DNAH7: variants seen among roughly 807,000 people sequenced by gnomAD.
The protein encoded by DNAH7 is dynein axonemal heavy chain 7.
Under a neutral mutation model 444.6 loss-of-function variants are expected in DNAH7, and 397 were observed. The observed-to-expected ratio is 0.89, with a 90% CI of 0.82 to 0.97. DNAH7 has a LOEUF of 0.97. DNAH7 is among the 50% of genes least tolerant of loss of function. DNAH7 has a pLI of 0.00. For synonymous variants in DNAH7, 1,636 were observed against 1,624.4 expected (o/e 1.01, Z -0.17); for missense variants, 4,902 against 4,800.8 (o/e 1.02, Z -0.62).
At chr2:195,885,990 G>A in intron 34 of DNAH7, 151 bp downstream of exon 34, 1 of 866,820 alleles carries the variant, frequency 1.2e-6, no homozygotes, top group Non-Finnish European at 1.7e-6. Flanking sequence ...CTCAGAATTT[G>A]GGGCCTGGCT....
At chr2:195,767,881 G>A in intron 61 of DNAH7, among the ~76,000 whole-genome samples, 1 of 151,724 alleles carries the variant, frequency 6.6e-6, no homozygotes, top group African/African-American at 2.4e-5. Flanking sequence ...AAAGAAACAT[G>A]GCAACGGAAT....
intron 1 of DNAH7, among the ~76,000 whole-genome samples, chr2:196,061,798 A>G (rs1012376396): frequency 6.6e-6 from 1 of 152,206 alleles, no homozygotes; most frequent in Admixed American, 6.5e-5. Flanking sequence ...TGTGTCCATT[A>G]CATACCTGAA....
At chr2:195,988,837 A>G (rs1292254506) in intron 12 of DNAH7, among the ~76,000 whole-genome samples, 2 of 152,036 alleles carry the variant, frequency 1.3e-5, no homozygotes, top group Non-Finnish European at 2.9e-5. Flanking sequence ...CATCTCCCCC[A>G]TTCCTTGCTA....
chr2:195,937,822 T>C (rs181146302), intron 19 of DNAH7, among the ~76,000 whole-genome samples: 3 of 152,188 alleles, frequency 2.0e-5, no homozygotes, highest in Admixed American at 6.5e-5. Flanking sequence ...CTTGAAGGTG[T>C]TGAAAAAACA....
At chr2:196,006,830 C>T (rs1203860047) in intron 10 of DNAH7, among the ~76,000 whole-genome samples, 3 of 151,782 alleles carry the variant, frequency 2.0e-5, no homozygotes, top group African/African-American at 2.4e-5. Context: ...AAAAATTAAA[C>T]CAAAAAATGT....
chr2:195,985,527 T>C (rs989205040), intron 14 of DNAH7, among the ~76,000 whole-genome samples: 1 of 151,962 alleles, frequency 6.6e-6, no homozygotes, highest in Admixed American at 6.6e-5. Context: ...GCCCTCTGAG[T>C]AGGTGGGAGA....
At chr2:195,782,573 A>T (rs1365821216) in intron 58 of DNAH7, among the ~76,000 whole-genome samples, 1 of 152,210 alleles carries the variant, frequency 6.6e-6, no homozygotes, top group Non-Finnish European at 1.5e-5. Context: ...AACCACAGAA[A>T]AACGTGTAAA....
In DNAH7 at chr2:196,019,305, A is replaced by G; in HGVS notation, c.744-10T>C. 6.9e-7 allele frequency: 1 copy of G among 1,458,450 alleles called. No individual in the cohort carries two copies. 90.3% of individuals were successfully genotyped at this position (1,458,450 alleles called of 1,614,324 possible). A position where few individuals can be genotyped will look rare whatever the true frequency, so the allele number is the denominator to read the frequency against. On this transcript the variant is annotated splice_polypyrimidine_tract_variant and intron_variant, in intron 8 of 64. Transcript: ENST00000312428. Reference sequence around the variant, plus strand: ...TGGCAGAATTTCCATTCTGAAAACAAAGAAAATATTTAGTTACAGTCTCAA... The same window carrying G: ...TGGCAGAATTTCCATTCTGAAAACAGAGAAAATATTTAGTTACAGTCTCAA...
At chr2:195,979,576 A>C (rs1692425846) in intron 15 of DNAH7, among the ~76,000 whole-genome samples, 1 of 152,182 alleles carries the variant, frequency 6.6e-6, no homozygotes, top group South Asian at 2.1e-4. Context: ...AAGCAAGTGC[A>C]AATCAAACCC....
In DNAH7 at chr2:196,019,280, T is replaced by G; in HGVS notation, c.759A>C (p.Pro253=). ...PAHRAEMEIL[P]KPWRKSFLAA... ...CTAAAAAAGATTTCCTCCAAGGTTT[T>G]GGCAGAATTTCCATTCTGAAAACAA... The change falls in exon 9 of 65, where the codon CCA becomes CCC. Residue 253 remains proline (P), a synonymous_variant. Transcript: ENST00000312428. 3 of 1,486,132 alleles carry G rather than the reference T, an allele frequency of 2.0e-6. No homozygotes were observed. Among genetic ancestry groups the G allele is most frequent in the Non-Finnish European group, 2.7e-6 (3 of 1,102,956 alleles). The allele number at this position is 1,486,132 out of a possible 1,614,324, so 92.1% of individuals were successfully genotyped here.
At chr2:196,000,935 A>T in intron 11 of DNAH7, 52 bp from the exon 12 acceptor site, 1 of 1,410,304 alleles carries the variant, frequency 7.1e-7, no homozygotes, top group Non-Finnish European at 9.5e-7. Context: ...ATTGTGACAG[A>T]CTAAGTAGTA....
At chr2:195,998,894 CAAAAAA>C in intron 12 of DNAH7, 1 of 428,812 alleles carries the variant, frequency 2.3e-6, no homozygotes, top group Non-Finnish European at 4.2e-6. Context: ...GAAATAACAA[CAAAAAA>C]AAAAGTCTAA....
In DNAH7 at chr2:195,777,868, C is replaced by T. The variant is rs761386813; in HGVS notation, c.10996G>A (p.Glu3666Lys). The T allele has an allele frequency of 3.2e-5, 52 of 1,613,952 alleles. No homozygotes were observed. Among genetic ancestry groups the T allele is most frequent in the Non-Finnish European group, 4.2e-5 (50 of 1,179,984 alleles). ...RSILNKFFNP[E>K]LVENSDYKFD... Reference sequence around the variant, plus strand: ...TTATAGTCTGAATTTTCAACTAATTCGGGATTGAAGAATTTGTTTAGAATG... The same window carrying T: ...TTATAGTCTGAATTTTCAACTAATTTGGGATTGAAGAATTTGTTTAGAATG... Residue 3666 changes from glutamate (E) to lysine (K), a missense_variant, in exon 59 of 65, where the codon GAA becomes AAA. By Grantham distance (56) the Glu-to-Lys change is moderately conservative. Coordinates refer to ENST00000312428, the MANE Select transcript of DNAH7 (RefSeq NM_018897.3).
intron 48 of DNAH7, among the ~76,000 whole-genome samples, chr2:195,830,991 G>T (rs1021457087): frequency 6.6e-6 from 1 of 152,172 alleles, no homozygotes; most frequent in African/African-American, 2.4e-5. Flanking sequence ...CACTAAATTG[G>T]AAGTAGTTTT....
chr2:195,966,315 C>T (rs1222569946), intron 17 of DNAH7, among the ~76,000 whole-genome samples: 1 of 152,052 alleles, frequency 6.6e-6, no homozygotes, highest in Non-Finnish European at 1.5e-5. Flanking sequence ...AGAGAAGATG[C>T]TTGATATCAT....
At chr2:195,911,199 G>C (rs923285283) in intron 24 of DNAH7, among the ~76,000 whole-genome samples, 3 of 152,114 alleles carry the variant, frequency 2.0e-5, no homozygotes, top group Non-Finnish European at 4.4e-5. Context: ...TGGTATCCTG[G>C]CGGTCTGTTA....
intron 19 of DNAH7, among the ~76,000 whole-genome samples, chr2:195,949,268 G>C (rs1308261323): frequency 6.6e-6 from 1 of 151,988 alleles, no homozygotes; most frequent in Admixed American, 6.6e-5. Flanking sequence ...CTTCCTTTTT[G>C]AATACCACTT....
intron 10 of DNAH7, among the ~76,000 whole-genome samples, chr2:196,003,053 A>G (rs1694141832): frequency 2.0e-5 from 3 of 151,688 alleles, no homozygotes. Flanking sequence ...CTCTCATAAT[A>G]ATAAAGGCAA....
At position 195,886,163 on chromosome 2, in the gene DNAH7, C is replaced by T. The variant is rs201127823; in HGVS notation, c.5516G>A (p.Arg1839Gln). The T allele has an allele frequency of 1.2e-4, 188 of 1,613,238 alleles. 1 individual carries two copies. In the African/African-American group the frequency reaches 2.0e-3, roughly 17 times the overall value. The change falls in exon 34 of 65, where the codon CGA becomes CAA. Residue 1839 changes from arginine to glutamine, a missense_variant. By Grantham distance (43) the Arg-to-Gln change is conservative. Coordinates refer to ENST00000312428, the MANE Select transcript of DNAH7 (RefSeq NM_018897.3). The stretch of plus-strand genomic sequence containing the variant: ...TACCTCAAGCAAAGAGTAAGTTTCT[C>T]GATCATTTCTCTCCTTTAGTTTGAC... Reference protein sequence around the residue: ...DEVKLKERNDRETYSLLEGIF... With the variant: ...DEVKLKERNDQETYSLLEGIF...
Sources: allele counts gnomAD v4.1 joint callset (sites outside exome capture counted in the v4.1 genomes callset), GRCh38; gene constraint gnomAD v4.1.1; transcripts MANE v1.5; gene names NCBI Gene and HGNC (gene_info 2026-07-23, HGNC 2026-07-21).